ZNF827: variants seen among roughly 807,000 people sequenced by gnomAD.
The protein encoded by ZNF827 is zinc finger protein 827.
ZNF827 carries 13 observed loss-of-function variants against 102.4 expected under a neutral mutation model. That is an observed-to-expected ratio of 0.13 (90% CI 0.08 to 0.20). The LOEUF is 0.20. ZNF827 is among the 10% of genes least tolerant of loss of function. The probability of loss-of-function intolerance (pLI) is 1.00; values close to 1 mark genes in which losing one functional copy is unlikely to be tolerated. For missense variants in ZNF827, 1,103 were observed against 1,344.4 expected (o/e 0.82, Z 2.81); for synonymous variants, 523 against 536.2 (o/e 0.98, Z 0.34).
chr4:145,925,065 A>C (rs1159670268), intron 1 of ZNF827, among the ~76,000 whole-genome samples: 1 of 152,202 alleles, frequency 6.6e-6, no homozygotes, highest in Non-Finnish European at 1.5e-5. Context: ...GTCACATCTT[A>C]CATGGCAGCA....
intron 7 of ZNF827, among the ~76,000 whole-genome samples, chr4:145,828,750 T>C (rs17020650): frequency 0.047 from 7,120 of 152,240 alleles, 409 homozygotes; most frequent in East Asian, 0.16. Flanking sequence ...AGGGGTGTCA[T>C]AGTGAGTGGA....
At chr4:145,907,089 T>G (rs201492092) in intron 1 of ZNF827, 11 of 456,574 alleles carry the variant, frequency 2.4e-5, no homozygotes, top group Non-Finnish European at 4.8e-5. Context: ...GAGAGGAGCT[T>G]TGGGAGAAAT....
intron 2 of ZNF827, among the ~76,000 whole-genome samples, chr4:145,895,564 A>C (rs1750914227): frequency 6.6e-6 from 1 of 152,218 alleles, no homozygotes; most frequent in African/African-American, 2.4e-5. Flanking sequence ...TTTTTAACTG[A>C]TCACAGCAGG....
intron 5 of ZNF827, among the ~76,000 whole-genome samples, chr4:145,859,235 A>G (rs1244627759): frequency 6.6e-6 from 1 of 152,198 alleles, no homozygotes; most frequent in African/African-American, 2.4e-5. Context: ...TGAGGTCCTT[A>G]TTCACTTTTG....
intron 8 of ZNF827, among the ~76,000 whole-genome samples, chr4:145,787,593 T>G (rs1739070443): frequency 6.6e-6 from 1 of 152,126 alleles, no homozygotes; most frequent in Non-Finnish European, 1.5e-5. Context: ...CAACCTCCAA[T>G]GCTTAACAAA....
chr4:145,835,768 G>C (rs13111644), intron 7 of ZNF827, among the ~76,000 whole-genome samples: 3 of 112,166 alleles, frequency 2.7e-5, no homozygotes, highest in African/African-American at 1.0e-4. Context: ...AAAAGGATTA[G>C]AGCCTGTTAT....
At chr4:145,787,148 T>C (rs566055615) in intron 8 of ZNF827, among the ~76,000 whole-genome samples, 14 of 152,306 alleles carry the variant, frequency 9.2e-5, no homozygotes, top group African/African-American at 3.4e-4. Flanking sequence ...CTCAATGAAC[T>C]GCTAAGATAG....
intron 5 of ZNF827, among the ~76,000 whole-genome samples, chr4:145,858,134 A>AGTGTGT (rs10553157): frequency 2.0e-4 from 30 of 147,102 alleles, no homozygotes; most frequent in South Asian, 6.5e-4. Flanking sequence ...TGCATGTGTG[A>AGTGTGT]GTGTGTGTGT....
At chr4:145,786,306 C>T (rs1299191121) in intron 8 of ZNF827, among the ~76,000 whole-genome samples, 1 of 152,130 alleles carries the variant, frequency 6.6e-6, no homozygotes, top group East Asian at 1.9e-4. Flanking sequence ...CTCAAAGAAC[C>T]ATCTCTCAAC....
rs757994158 is a variant in ZNF827, at chr4:145,849,505, C to A, written c.2038G>T (p.Asp680Tyr). 1 of 1,614,208 alleles carries A rather than the reference C, an allele frequency of 6.2e-7. No homozygotes were observed. Among genetic ancestry groups the A allele is most frequent in the Admixed American group, 1.7e-5 (1 of 60,028 alleles). Residue 680 changes from aspartate to tyrosine, a missense_variant, in exon 6 of 15, where the codon GAC (aspartate) becomes TAC (tyrosine). Transcript: ENST00000508784. ...ATCGAGACATGGGAGTCCTGGATGT[C>A]AACCTCCATGGGTTCCTCTTTAATC... is the stretch of plus-strand genomic sequence containing the variant. ...VKIKEEPMEV[D>Y]IQDSHVSISP...
chr4:145,899,980 C>T (rs1751288342), intron 2 of ZNF827, among the ~76,000 whole-genome samples: 4 of 152,124 alleles, frequency 2.6e-5, no homozygotes, highest in Non-Finnish European at 5.9e-5. Context: ...CTCCCATATT[C>T]AATTATTCTG....
rs1579367698 is a variant in ZNF827 at position 145,849,447 on chromosome 4, A to G, written c.2096T>C (p.Leu699Ser). 1 of 1,614,184 alleles carries G rather than the reference A, an allele frequency of 6.2e-7. No homozygotes were observed. The highest frequency in any genetic ancestry group is 8.5e-7 in the Non-Finnish European group (1 of 1,180,038). Reference sequence around the variant, plus strand: ...GGGTTCGGTTTTCTCTCGCCCGATTAAAGTGCTGTAGCCAACATTCCGGCT... The same window carrying G: ...GGGTTCGGTTTTCTCTCGCCCGATTGAAGTGCTGTAGCCAACATTCCGGCT... Reference protein sequence around the residue: ...SPSRNVGYSTLIGREKTEPLQ... With the variant: ...SPSRNVGYSTSIGREKTEPLQ... The change falls in exon 6 of 15, where the codon TTA becomes TCA. Residue 699 changes from leucine (L) to serine (S), a missense_variant. Physicochemically the swap from Leu to Ser is moderately radical, Grantham distance 145 (BLOSUM62 -2). Coordinates refer to ENST00000508784, the MANE Select transcript of ZNF827 (RefSeq NM_001306215.2).
intron 3 of ZNF827, among the ~76,000 whole-genome samples, chr4:145,890,816 G>C (rs1029464869): frequency 2.5e-4 from 38 of 152,330 alleles, no homozygotes; most frequent in Admixed American, 4.6e-4. Flanking sequence ...CAGCCAACCA[G>C]AACTCCTGGT....
At chr4:145,845,384 T>C (rs4345206) in intron 7 of ZNF827, among the ~76,000 whole-genome samples, 89,595 of 152,118 alleles carry the variant, frequency 0.59, 26,962 homozygotes, top group East Asian at 0.87. Context: ...TGAAAAAACT[T>C]CCTTGTCCAC....
chr4:145,836,725 T>C (rs1744880648), intron 7 of ZNF827, among the ~76,000 whole-genome samples: 2 of 152,048 alleles, frequency 1.3e-5, no homozygotes, highest in Non-Finnish European at 2.9e-5. Context: ...TCACGCTTGA[T>C]TTATTGATGG....
In ZNF827 at chr4:145,766,778, T is replaced by G. The variant is rs548369474; in HGVS notation, c.2861-1040A>C. ...GGCACTTAGAGAGGGCTAGAAATAA[T>G]GCCTGTTTCCACCAGTCAGATTGGA... On this transcript the variant is annotated intron_variant, in intron 11 of 14. Coordinates refer to ENST00000508784, the MANE Select transcript of ZNF827 (RefSeq NM_001306215.2). 5.9e-5 allele frequency among the ~76,000 whole-genome samples: 9 copies of G among 152,286 alleles called. No individual in the cohort carries two copies. The South Asian group carries it at 1.9e-3, about 32-fold the overall frequency.
intron 8 of ZNF827, among the ~76,000 whole-genome samples, chr4:145,811,783 G>T (rs966706452): frequency 2.6e-5 from 4 of 152,216 alleles, no homozygotes; most frequent in African/African-American, 9.6e-5. Context: ...ACTTTTGCCT[G>T]ATTGGGATCA....
intron 5 of ZNF827, among the ~76,000 whole-genome samples, chr4:145,851,522 G>C (rs1035591714): frequency 3.3e-5 from 5 of 152,104 alleles, no homozygotes; most frequent in Non-Finnish European, 5.9e-5. Context: ...AAAAAAAGAA[G>C]AGCATTTTAA....
At chr4:145,859,580 C>T (rs6814298) in intron 5 of ZNF827, among the ~76,000 whole-genome samples, 5,580 of 152,226 alleles carry the variant, frequency 0.037, 261 homozygotes, top group East Asian at 0.16. Flanking sequence ...GGATATTCCC[C>T]TGATGTATTT....
Sources: gnomAD v4.1 joint callset for allele counts (sites outside exome capture counted in the v4.1 genomes callset) on GRCh38, gnomAD v4.1.1 for gene constraint, MANE v1.5 for transcripts, NCBI Gene and HGNC (gene_info 2026-07-23, HGNC 2026-07-21) for gene names.